PRKD3: variants seen among roughly 807,000 people sequenced by gnomAD.
The protein encoded by PRKD3 is protein kinase D3.
In PRKD3, 47 loss-of-function variants were observed where a neutral mutation model predicts 99.2. That is an observed-to-expected ratio of 0.47 (90% CI 0.38 to 0.60). The LOEUF is 0.60. PRKD3 is among the 20% of genes least tolerant of loss of function. The pLI, the probability that PRKD3 is intolerant of heterozygous loss-of-function variation, is 0.00. For synonymous variants in PRKD3, 392 were observed against 355.4 expected, an observed-to-expected ratio of 1.10 and a Z score of -1.16; for missense variants, 1,019 against 1,088.4, an observed-to-expected ratio of 0.94 and a Z score of 0.90.
Position 37,255,746 on chromosome 2 carries a change from C to T in PRKD3, c.2413+916G>A, listed in dbSNP as rs138209732. ...TGGGGCTGGGTGCAGTGGCTCATGCCTGTAATCCCAGCACTTTGGGAGGTC... is the reference window on the plus strand; with the variant it reads ...TGGGGCTGGGTGCAGTGGCTCATGCTTGTAATCCCAGCACTTTGGGAGGTC... On this transcript the variant is annotated intron_variant, in intron 17 of 18. Coordinates refer to ENST00000234179, the MANE Select transcript of PRKD3 (RefSeq NM_005813.6). Among the ~76,000 whole-genome samples the T allele has an allele frequency of 2.8e-3, 424 of 152,318 alleles. 2 individuals are homozygous for T. The highest frequency in any genetic ancestry group is 9.8e-3 in the African/African-American group (407 of 41,572).
At chr2:37,319,862 G>A (rs544330113) in intron 1 of PRKD3, among the ~76,000 whole-genome samples, 1 of 152,164 alleles carries the variant, frequency 6.6e-6, no homozygotes, top group African/African-American at 2.4e-5. Context: ...TTGAATAAGT[G>A]TTAATAGGAG....
In PRKD3 at chr2:37,260,283, C is replaced by T. The variant is rs1357631993; in HGVS notation, c.1986G>A (p.Met662Ile). The T allele has an allele frequency of 1.7e-5, 27 of 1,610,274 alleles. No homozygotes were observed. Among genetic ancestry groups the T allele is most frequent in the Non-Finnish European group, 2.0e-5 (24 of 1,176,736 alleles). ...MEKLHGDMLE[M>I]ILSSEKSRLP... ...GCCGACTTTTCTCACTGGATAGAAT[C>T]ATTTCCAACATATCTCCATGCAGCT... The change falls in exon 15 of 19, where the codon ATG (methionine) becomes ATA (isoleucine). Residue 662 changes from methionine (M) to isoleucine (I), a missense_variant. Physicochemically the swap from Met to Ile is conservative, Grantham distance 10. Coordinates refer to ENST00000234179, the MANE Select transcript of PRKD3 (RefSeq NM_005813.6).
chr2:37,314,836 T>A (rs1353130520), intron 2 of PRKD3, among the ~76,000 whole-genome samples: 2 of 152,078 alleles, frequency 1.3e-5, no homozygotes, highest in African/African-American at 4.8e-5. Flanking sequence ...CTGTAAAGGA[T>A]AATGGAAGGG....
In PRKD3 at chr2:37,259,669, A is replaced by G; in HGVS notation, c.2059T>C (p.Leu687=). The change falls in exon 16 of 19, where the codon TTG becomes CTG. Residue 687 remains leucine, a synonymous_variant. Coordinates refer to ENST00000234179, the MANE Select transcript of PRKD3 (RefSeq NM_005813.6). ...KFMVTQILVA[L]RNLHFKNIVH... is the part of the protein sequence containing the mutation. ...ATATTCTTAAAATGCAGATTCCTCA[A>G]AGCAACAAGTATCTGTTATGAAAAA... 6.2e-7 allele frequency: 1 copy of G among 1,610,676 alleles called. No individual in the cohort carries two copies. Among genetic ancestry groups the G allele is most frequent in the Non-Finnish European group, 8.5e-7 (1 of 1,177,170 alleles).
intron 7 of PRKD3, chr2:37,282,301 T>C (rs113446596): frequency 2.2e-6 from 1 of 459,670 alleles, no homozygotes; most frequent in South Asian, 3.8e-5. Context: ...AAAGAGGATA[T>C]GGAGTACCAC....
intron 8 of PRKD3, chr2:37,278,574 TG>T (rs1669685527): frequency 6.6e-6 from 1 of 152,224 alleles, no homozygotes; most frequent in Non-Finnish European, 1.5e-5. Flanking sequence ...TAAAATACAC[TG>T]TTTTGAAATG....
At chr2:37,311,637 TTTTTAA>T (rs1671429767) in intron 2 of PRKD3, among the ~76,000 whole-genome samples, 1 of 152,218 alleles carries the variant, frequency 6.6e-6, no homozygotes, top group Admixed American at 6.5e-5. Flanking sequence ...CTCTCTGAAA[TTTTTAA>T]TTTTAAGAAT....
intron 2 of PRKD3, among the ~76,000 whole-genome samples, chr2:37,300,945 A>C (rs147808523): frequency 1.8e-4 from 28 of 152,350 alleles, no homozygotes; most frequent in Admixed American, 7.2e-4. Flanking sequence ...TTGTTTTGCC[A>C]CGTTTTTATA....
At chr2:37,287,137 G>T (rs1248709655) in intron 5 of PRKD3, among the ~76,000 whole-genome samples, 1 of 148,434 alleles carries the variant, frequency 6.7e-6, no homozygotes, top group Non-Finnish European at 1.5e-5. Flanking sequence ...GGCTGACGCA[G>T]AAGAATCGCT....
chr2:37,292,892 C>A lies in PRKD3; in HGVS notation c.427+241G>T, dbSNP rs560642256. 98 of 298,592 alleles carry A rather than the reference C, an allele frequency of 3.3e-4. 2 individuals are homozygous for A. The highest frequency in any genetic ancestry group is 3.2e-3 in the Middle Eastern group (3 of 940). The allele number at this position is 298,592 out of a possible 1,614,324, so 18.5% of individuals were successfully genotyped here. ...AAACTCCTGAGATAAGCAATCCTCCCGCCTCAGCTTCCCAAAGTGCTGGGC... is the reference window on the plus strand; with the variant it reads ...AAACTCCTGAGATAAGCAATCCTCCAGCCTCAGCTTCCCAAAGTGCTGGGC... On this transcript the variant is annotated intron_variant, in intron 3 of 18. Transcript: ENST00000234179.
At chr2:37,274,802 C>T (rs575249330) in intron 10 of PRKD3, 105 bp from the exon 11 acceptor site, 40 of 1,107,444 alleles carry the variant, frequency 3.6e-5, no homozygotes, top group African/African-American at 3.5e-4. Context: ...GCCATTAAGA[C>T]GGACACAAGT....
chr2:37,286,423 G>T (rs1670098883), intron 5 of PRKD3, 54 bp from the exon 6 acceptor site: 1 of 1,465,066 alleles, frequency 6.8e-7, no homozygotes, highest in Non-Finnish European at 9.4e-7. Context: ...ACAGAGTAGT[G>T]GGAGCAGAGC....
intron 9 of PRKD3, among the ~76,000 whole-genome samples, chr2:37,277,512 T>G (rs908090404): frequency 6.6e-6 from 1 of 152,170 alleles, no homozygotes; most frequent in Non-Finnish European, 1.5e-5. Flanking sequence ...AAACCAAACA[T>G]GCTTCCTTCC....
intron 16 of PRKD3, 74 bp from the exon 17 acceptor site, chr2:37,257,003 CTGTA>C (rs1668006111): frequency 1.3e-5 from 19 of 1,459,586 alleles, no homozygotes; most frequent in Admixed American, 3.5e-5. Context: ...AAATATAACA[CTGTA>C]TGTATCATTT....
Position 37,274,677 on chromosome 2 carries a change from A to G in PRKD3, c.1395T>C (p.Ile465=). The G allele has an allele frequency of 5.0e-6, 8 of 1,613,264 alleles. No homozygotes were observed. Among genetic ancestry groups the G allele is most frequent in the Non-Finnish European group, 6.8e-6 (8 of 1,179,442 alleles). ...AATCTCGTGGTGAAGATATGCGGAG[A>G]ATTTCTGAAAGTGGAATTTCCTGAA... ...KYYKEIPLSE[I]LRISSPRDFT... Residue 465 remains isoleucine (I), a synonymous_variant, in exon 11 of 19, where the codon ATT becomes ATC. Transcript: ENST00000234179.
In PRKD3 at chr2:37,316,218, A is replaced by C; in HGVS notation, c.288+19T>G. The C allele has an allele frequency of 6.3e-7, 1 of 1,580,716 alleles. No homozygotes were observed. The highest frequency in any genetic ancestry group is 8.7e-7 in the Non-Finnish European group (1 of 1,152,468). ...TCAGTAACAATATTATTTACTACTG[A>C]TAATAGCACACACAGTACCTTTTGA... On this transcript the variant is annotated intron_variant, in intron 2 of 18. Transcript: ENST00000234179.
chr2:37,297,987 G>C (rs766259301), intron 2 of PRKD3, among the ~76,000 whole-genome samples: 2 of 152,084 alleles, frequency 1.3e-5, no homozygotes, highest in Non-Finnish European at 2.9e-5. Flanking sequence ...CTTGAAGGTG[G>C]AGTATCTACA....
chr2:37,290,760 T>A, intron 4 of PRKD3, 108 bp downstream of exon 4: 10 of 1,257,446 alleles, frequency 8.0e-6, no homozygotes, highest in Non-Finnish European at 1.1e-5. Context: ...TTCTAAATCC[T>A]CGTTACCACC....
intron 1 of PRKD3, among the ~76,000 whole-genome samples, chr2:37,320,423 C>CTTTTTTTTT (rs35158902): frequency 1.3e-5 from 1 of 78,126 alleles, no homozygotes; most frequent in African/African-American, 5.1e-5. Flanking sequence ...AAGTTAACGA[C>CTTTTTTTTT]TTTTTTTTTT....
Sources: gnomAD v4.1 joint callset for allele counts (sites outside exome capture counted in the v4.1 genomes callset) on GRCh38, gnomAD v4.1.1 for gene constraint, MANE v1.5 for transcripts, NCBI Gene and HGNC (gene_info 2026-07-23, HGNC 2026-07-21) for gene names.